ABCC4: variants seen among roughly 807,000 people sequenced by gnomAD.
ABCC4 encodes the protein ATP-binding cassette sub-family C member 4.
In ABCC4, 102 loss-of-function variants were observed where a neutral mutation model predicts 168.5. That is an observed-to-expected ratio of 0.61 (90% CI 0.52 to 0.71). ABCC4 has a LOEUF of 0.71. Among genes scored for constraint, ABCC4 ranks in the 30% least tolerant of loss-of-function variants. The probability of loss-of-function intolerance (pLI) is 0.00; values close to 1 mark genes in which losing one functional copy is unlikely to be tolerated. For missense variants in ABCC4, 1,402 were observed against 1,605.8 expected, an observed-to-expected ratio of 0.87 and a Z score of 2.17; for synonymous variants, 617 against 590.7, an observed-to-expected ratio of 1.04 and a Z score of -0.65.
intron 6 of ABCC4, among the ~76,000 whole-genome samples, chr13:95,208,966 A>G (rs2038868018): frequency 2.0e-5 from 3 of 152,210 alleles, no homozygotes; most frequent in Admixed American, 2.0e-4. Context: ...GTGTGATTTT[A>G]TAACTACATC....
chr13:95,196,227 G>A (rs1399318200), intron 8 of ABCC4, among the ~76,000 whole-genome samples: 1 of 152,006 alleles, frequency 6.6e-6, no homozygotes, highest in Non-Finnish European at 1.5e-5. Context: ...GGCAAAAACT[G>A]TCAGCTCTCC....
intron 3 of ABCC4, among the ~76,000 whole-genome samples, chr13:95,243,974 T>C (rs11616679): frequency 0.13 from 19,744 of 151,698 alleles, 1,814 homozygotes; most frequent in East Asian, 0.41. Context: ...AGCCACTCTC[T>C]AGCATGTCAC....
At chr13:95,249,868 A>G (rs1190954573) in intron 1 of ABCC4, among the ~76,000 whole-genome samples, 1 of 152,226 alleles carries the variant, frequency 6.6e-6, no homozygotes, top group Non-Finnish European at 1.5e-5. Flanking sequence ...CACAGGCTGA[A>G]CAGTTAACTG....
At chr13:95,127,825 A>G (rs1482827466) in intron 19 of ABCC4, among the ~76,000 whole-genome samples, 1 of 152,138 alleles carries the variant, frequency 6.6e-6, no homozygotes, top group South Asian at 2.1e-4. Flanking sequence ...CCTCTTCTCC[A>G]TGTATGGGAA....
At chr13:95,253,602 G>A (rs146921667) in intron 1 of ABCC4, among the ~76,000 whole-genome samples, 2,449 of 151,968 alleles carry the variant, frequency 0.016, 24 homozygotes, top group Non-Finnish European at 0.025. Flanking sequence ...AAAATTAGCC[G>A]GGCGTGGTGG....
chr13:95,021,676 A>C lies in ABCC4; in HGVS notation c.3877T>G (p.Phe1293Val), dbSNP rs1192128720. 1.3e-6 allele frequency: 2 copies of C among 1,595,906 alleles called. No homozygotes were observed. Among genetic ancestry groups the C allele is most frequent in the Non-Finnish European group, 1.7e-6 (2 of 1,169,294 alleles). Residue 1293 changes from phenylalanine to valine, a missense_variant, in exon 31 of 31, where the codon TTC (phenylalanine) becomes GTC (valine). Phe to Val is a conservative substitution (Grantham distance 50, BLOSUM62 -1). This residue lies in a region of ABCC4 where 1,007 missense variants were observed against 1,127.3 expected (regional missense o/e 0.89). Coordinates refer to ENST00000645237, the MANE Select transcript of ABCC4 (RefSeq NM_005845.5). ...CCAATATGTGGATAATTTCTTTTGA[A>C]GTATACCTAGAAAAAAAAAAGGTAA... is the stretch of plus-strand genomic sequence containing the variant. ...ALTETAKQVY[F>V]KRNYPHIGHT...
intron 26 of ABCC4, among the ~76,000 whole-genome samples, chr13:95,054,529 C>T (rs2032982555): frequency 6.7e-6 from 1 of 148,246 alleles, no homozygotes; most frequent in Non-Finnish European, 1.5e-5. Flanking sequence ...GCCTGGGCCA[C>T]AGAGCAAGTC....
chr13:95,284,851 C>G (rs954197837), intron 1 of ABCC4, among the ~76,000 whole-genome samples: 1 of 152,082 alleles, frequency 6.6e-6, no homozygotes, highest in African/African-American at 2.4e-5. Context: ...AGTACCCACC[C>G]CAAAGGTTTG....
At chr13:95,058,312 AAAAC>A (rs766785567) in intron 26 of ABCC4, among the ~76,000 whole-genome samples, 2 of 152,128 alleles carry the variant, frequency 1.3e-5, no homozygotes, top group East Asian at 3.9e-4. Flanking sequence ...GGTAGACAGA[AAAAC>A]AAACAGTACT....
chr13:95,215,526 T>C (rs996765376), intron 4 of ABCC4, among the ~76,000 whole-genome samples: 8 of 152,070 alleles, frequency 5.3e-5, no homozygotes, highest in Non-Finnish European at 5.9e-5. Flanking sequence ...GCACACAAGA[T>C]GGGGAAGGTA....
intron 20 of ABCC4, chr13:95,096,123 G>T (rs1225059992): frequency 4.9e-6 from 3 of 616,358 alleles, no homozygotes; most frequent in Non-Finnish European, 8.7e-6. Flanking sequence ...GAGGGAGGAG[G>T]ATTGCTTGAG....
rs577879545 is a variant in ABCC4 at position 95,285,915 on chromosome 13, A to G, written c.74+15326T>C. Among the ~76,000 whole-genome samples, 71 of 152,214 alleles carry G rather than the reference A, an allele frequency of 4.7e-4. 1 individual carries two copies. Among genetic ancestry groups the G allele is most frequent in the African/African-American group, 1.6e-3 (67 of 41,560 alleles). ...ATTGACTGGGTTGGAATCTGGAATC[A>G]TTGCGTGCCTCCAGTCAAGACGTGG... On this transcript the variant is annotated intron_variant, in intron 1 of 30. Transcript: ENST00000645237.
chr13:95,121,536 G>T (rs2035572355), intron 19 of ABCC4, among the ~76,000 whole-genome samples: 1 of 150,890 alleles, frequency 6.6e-6, no homozygotes, highest in Non-Finnish European at 1.5e-5. Flanking sequence ...AGCCTCCCAA[G>T]TAGCTGGGAC....
intron 26 of ABCC4, among the ~76,000 whole-genome samples, chr13:95,055,170 T>C (rs549423458): frequency 6.6e-6 from 1 of 152,266 alleles, no homozygotes; most frequent in East Asian, 1.9e-4. Flanking sequence ...TGAACAACCA[T>C]CTAAACAATG....
intron 4 of ABCC4, among the ~76,000 whole-genome samples, chr13:95,219,001 A>AAGAAAGAAAGAAAAAAAGAG (rs1566540111): frequency 8.7e-6 from 1 of 115,602 alleles, no homozygotes; most frequent in Non-Finnish European, 1.8e-5. Context: ...GAAAGAAAGA[A>AAGAAAGAAAGAAAAAAAGAG]AGAGTGAGAA....
intron 9 of ABCC4, among the ~76,000 whole-genome samples, chr13:95,189,346 C>T (rs1046521034): frequency 6.6e-6 from 1 of 151,630 alleles, no homozygotes; most frequent in East Asian, 1.9e-4. Flanking sequence ...TGGTCTCGAT[C>T]TCCTGACCTC....
intron 1 of ABCC4, among the ~76,000 whole-genome samples, chr13:95,267,605 G>A (rs1446913656): frequency 1.3e-5 from 2 of 152,200 alleles, no homozygotes; most frequent in Non-Finnish European, 2.9e-5. Flanking sequence ...AGAGTAAGGA[G>A]TGGAGGGGAA....
chr13:95,094,905 A>T (rs531160291), intron 20 of ABCC4, among the ~76,000 whole-genome samples: 1 of 152,342 alleles, frequency 6.6e-6, no homozygotes, highest in African/African-American at 2.4e-5. Flanking sequence ...GCTCACTATC[A>T]CTAATGACTA....
At chr13:95,232,898 GA>G (rs2039663234) in intron 4 of ABCC4, among the ~76,000 whole-genome samples, 1 of 152,230 alleles carries the variant, frequency 6.6e-6, no homozygotes, top group Non-Finnish European at 1.5e-5. Flanking sequence ...AATAAAATAA[GA>G]AAATATCAAA....
Sources: gnomAD v4.1 joint callset for allele counts (sites outside exome capture counted in the v4.1 genomes callset) on GRCh38, gnomAD v4.1.1 for gene constraint, gnomAD v4.1.1 regional missense constraint, MANE v1.5 for transcripts, NCBI Gene and HGNC (gene_info 2026-07-23, HGNC 2026-07-21) for gene names.